Variants in KRR1 observed in about 807,000 individuals in gnomAD.
KRR1 encodes the protein KRR1 small subunit processome component, also known as KRR1 small subunit processome component homolog.
In KRR1, 23 loss-of-function variants were observed where a neutral mutation model predicts 50.0. The ratio of observed to expected loss-of-function variants is 0.46; its 90% CI spans 0.33 to 0.65. The LOEUF (loss-of-function observed/expected upper bound fraction) is 0.65. Among genes scored for constraint, KRR1 ranks in the 30% least tolerant of loss-of-function variants. The pLI is 0.02. For synonymous variants in KRR1, 133 were observed against 146.3 expected (o/e 0.91, Z 0.66); for missense variants, 419 against 442.4 (o/e 0.95, Z 0.47).
Position 75,495,738 on chromosome 12 carries a change from C to A in KRR1, c.*4071G>T. On this transcript the variant is annotated 3_prime_UTR_variant, in exon 10 of 10. Coordinates refer to ENST00000229214, the MANE Select transcript of KRR1 (RefSeq NM_007043.7). ...ACTTTCTACAGAATTAACAATGAAA[C>A]CATGTTTTATCTTAACGGCTATCTT... is the stretch of plus-strand genomic sequence containing the variant. The A allele has an allele frequency of 2.3e-6, 2 of 879,392 alleles. No homozygotes were observed. The highest frequency in any genetic ancestry group is 3.1e-5 in the South Asian group (2 of 63,580). 54.5% of individuals were successfully genotyped at this position (879,392 alleles called of 1,614,324 possible).
Position 75,499,623 on chromosome 12 carries a change from T to C in KRR1, c.*186A>G. 2.9e-6 allele frequency: 1 copy of C among 350,292 alleles called. No individual in the cohort carries two copies. Among genetic ancestry groups the C allele is most frequent in the Non-Finnish European group, 5.0e-6 (1 of 199,914 alleles). 21.7% of individuals were successfully genotyped at this position (350,292 alleles called of 1,614,324 possible). ...ATACAAAGACTTATATACCACTTTC[T>C]CGTATAAATTTTTCAAAAAATACAA... On this transcript the variant is annotated 3_prime_UTR_variant, in exon 10 of 10. Coordinates refer to ENST00000229214, the MANE Select transcript of KRR1 (RefSeq NM_007043.7).
chr12:75,503,894 T>C lies in KRR1; in HGVS notation c.831+10A>G. On this transcript the variant is annotated intron_variant, in intron 7 of 9. Coordinates refer to ENST00000229214, the MANE Select transcript of KRR1 (RefSeq NM_007043.7). ...TCTCCTTCATATGAAGTTCTACATT[T>C]AGTACTAACCTGACTTTCTGGTTGT... is the stretch of plus-strand genomic sequence containing the variant. 4.4e-6 allele frequency: 7 copies of C among 1,588,714 alleles called. No homozygotes were observed. The highest frequency in any genetic ancestry group is 6.0e-6 in the Non-Finnish European group (7 of 1,169,774).
At chr12:75,503,578 A>G (rs74108826) in intron 7 of KRR1, 1,816 of 178,180 alleles carry the variant, frequency 0.01, 31 homozygotes, top group African/African-American at 0.04. Flanking sequence ...ACCATAGAGC[A>G]CACAGTCACA....
At position 75,499,750 on chromosome 12, in the gene KRR1, C is replaced by G. The variant is rs2046377943; in HGVS notation, c.*59G>C. 2 of 1,369,924 alleles carry G rather than the reference C, an allele frequency of 1.5e-6. No homozygotes were observed. The highest frequency in any genetic ancestry group is 2.0e-6 in the Non-Finnish European group (2 of 1,020,278). The allele number at this position is 1,369,924 out of a possible 1,614,324, so 84.9% of individuals were successfully genotyped here. ...TTCTCACAAATAAGGCAACTAATGC[C>G]TGATATCTCAAAATCCTTTACAAAA... On this transcript the variant is annotated 3_prime_UTR_variant, in exon 10 of 10. Coordinates refer to ENST00000229214, the MANE Select transcript of KRR1 (RefSeq NM_007043.7).
intron 1 of KRR1, among the ~76,000 whole-genome samples, chr12:75,510,027 A>T (rs2046440009): frequency 1.3e-5 from 2 of 152,162 alleles, no homozygotes; most frequent in South Asian, 4.1e-4. Context: ...CAATTAAGGA[A>T]GCCTCAAAAC....
In KRR1 at chr12:75,495,362, A is replaced by T. The variant is rs2046344053; in HGVS notation, c.*4447T>A. On this transcript the variant is annotated 3_prime_UTR_variant, in exon 10 of 10. Coordinates refer to ENST00000229214, the MANE Select transcript of KRR1 (RefSeq NM_007043.7). ...GCTGTCACAATTAAATGGGATGCAG[A>T]TTAAAACAGGTGCATAGACACAGGT... 6.6e-6 allele frequency: 3 copies of T among 453,184 alleles called. No homozygotes were observed. Among genetic ancestry groups the T allele is most frequent in the Non-Finnish European group, 8.1e-6 (2 of 248,366 alleles). The allele number at this position is 453,184 out of a possible 1,614,324, so 28.1% of individuals were successfully genotyped here.
chr12:75,511,362 G>C, intron 1 of KRR1, 151 bp downstream of exon 1: 4 of 667,972 alleles, frequency 6.0e-6, no homozygotes, highest in South Asian at 1.9e-5. Context: ...CGTTCCTGTG[G>C]GCCCAGCCAA....
At chr12:75,510,104 T>C (rs1349431502) in intron 1 of KRR1, among the ~76,000 whole-genome samples, 4 of 152,090 alleles carry the variant, frequency 2.6e-5, no homozygotes, top group African/African-American at 7.2e-5. Flanking sequence ...CCAAATACCA[T>C]TTCATAACTA....
At chr12:75,503,703 T>C in intron 7 of KRR1, 1 of 397,582 alleles carries the variant, frequency 2.5e-6, no homozygotes, top group East Asian at 3.7e-5. Flanking sequence ...ATAATCAATG[T>C]GAACGCCCCA....
chr12:75,508,954 C>T (rs1726467307), intron 1 of KRR1, among the ~76,000 whole-genome samples: 1 of 152,092 alleles, frequency 6.6e-6, no homozygotes, highest in South Asian at 2.1e-4. Context: ...CTAGATTTTC[C>T]TAAGCATTTT....
At position 75,501,967 on chromosome 12, in the gene KRR1, A is replaced by G. The variant is rs1219756824; in HGVS notation, c.865T>C (p.Leu289=). The G allele has an allele frequency of 1.1e-5, 17 of 1,612,416 alleles. No homozygotes were observed. Among genetic ancestry groups the G allele is most frequent in the Non-Finnish European group, 1.4e-5 (17 of 1,179,098 alleles). Residue 289 remains leucine (L), a synonymous_variant, in exon 8 of 10, where the codon TTG becomes CTG. Coordinates refer to ENST00000229214, the MANE Select transcript of KRR1 (RefSeq NM_007043.7). ...TGCCGCTTCTTCTGATTTGCCTTCA[A>G]AAAGTATTCACCACTAGCCAATTCT... ...DKELASGEYF[L]KANQKKRQKM... is the part of the protein sequence containing the mutation.
chr12:75,500,794 CAG>C (rs1194797720), intron 9 of KRR1: 1 of 151,984 alleles, frequency 6.6e-6, no homozygotes, highest in Non-Finnish European at 1.5e-5. Flanking sequence ...CTGAGAAGCA[CAG>C]AGTGTTAAAG....
rs1480263188 is a variant in KRR1 at position 75,498,834 on chromosome 12, T to G, written c.*975A>C. 2.9e-5 allele frequency: 47 copies of G among 1,612,478 alleles called. No homozygotes were observed. Among genetic ancestry groups the G allele is most frequent in the African/African-American group, 4.0e-5 (3 of 74,830 alleles). ...ATGTTTGTTTCACAGGTTACTACTC[T>G]GTTGTATATCCAGGCTGGCCCATAT... is the stretch of plus-strand genomic sequence containing the variant. On this transcript the variant is annotated 3_prime_UTR_variant, in exon 10 of 10. Transcript: ENST00000229214.
At chr12:75,511,449 A>G in intron 1 of KRR1, 64 bp downstream of exon 1, 1 of 1,418,358 alleles carries the variant, frequency 7.1e-7, no homozygotes, top group Non-Finnish European at 1.0e-6. Context: ...ACGAGGAACG[A>G]AAGAAAAAAA....
Position 75,497,418 on chromosome 12 carries a change from C to T in KRR1, c.*2391G>A, listed in dbSNP as rs958087793. On this transcript the variant is annotated 3_prime_UTR_variant, in exon 10 of 10. Transcript: ENST00000229214. ...ACTTGTATTTATAAGATGTGAAACTCATTACCCATTTACTTCAGATAAGTG... is the reference window on the plus strand; with the variant it reads ...ACTTGTATTTATAAGATGTGAAACTTATTACCCATTTACTTCAGATAAGTG... 1 of 152,182 alleles carries T rather than the reference C, an allele frequency of 6.6e-6. No homozygotes were observed. Among genetic ancestry groups the T allele is most frequent in the African/African-American group, 2.4e-5 (1 of 41,456 alleles). 9.4% of individuals were successfully genotyped at this position (152,182 alleles called of 1,614,324 possible). A position where few individuals can be genotyped will look rare whatever the true frequency, so the allele number is the denominator to read the frequency against.
rs767374508 is a variant in KRR1, at chr12:75,504,048, T to C, written c.687A>G (p.Ala229=). 2 of 1,611,738 alleles carry C rather than the reference T, an allele frequency of 1.2e-6. No homozygotes were observed. Among genetic ancestry groups the C allele is most frequent in the Non-Finnish European group, 1.7e-6 (2 of 1,178,532 alleles). The change falls in exon 7 of 10, where the codon GCA becomes GCG. Residue 229 remains alanine (A), a synonymous_variant. Transcript: ENST00000229214. Reference sequence around the variant, plus strand: ...TTTGTGATCGTAATTCAGAATCTTTTGCCAACTCTCTCTTAATCATTAAGC... The same window carrying C: ...TTTGTGATCGTAATTCAGAATCTTTCGCCAACTCTCTCTTAATCATTAAGC... ...IKSLMIKREL[A]KDSELRSQSW... is the part of the protein sequence containing the mutation.
intron 6 of KRR1, 45 bp downstream of exon 6, chr12:75,505,150 AAAG>A (rs753875689): frequency 1.0e-5 from 15 of 1,466,466 alleles, no homozygotes; most frequent in South Asian, 2.5e-5. Context: ...TCTGTAGCTA[AAAG>A]AAGTATGATA....
intron 1 of KRR1, among the ~76,000 whole-genome samples, chr12:75,510,094 C>T (rs1293984671): frequency 6.6e-6 from 1 of 152,052 alleles, no homozygotes; most frequent in African/African-American, 2.4e-5. Context: ...AAAACTGCAA[C>T]CAAATACCAT....
At position 75,493,934 on chromosome 12, in the gene KRR1, A is replaced by G. The variant is rs1391815005; in HGVS notation, c.*5875T>C. 6.6e-6 allele frequency: 1 copy of G among 152,256 alleles called. No individual in the cohort carries two copies. The highest frequency in any genetic ancestry group is 2.4e-5 in the African/African-American group (1 of 41,450). The allele number at this position is 152,256 out of a possible 1,614,324, so 9.4% of individuals were successfully genotyped here. A position where few individuals can be genotyped will look rare whatever the true frequency, so the allele number is the denominator to read the frequency against. Reference sequence around the variant, plus strand: ...AGTTTGGAATGCACAACTAAGTATCATAAATGACTTTATTAAAATCATTCT... The same window carrying G: ...AGTTTGGAATGCACAACTAAGTATCGTAAATGACTTTATTAAAATCATTCT... On this transcript the variant is annotated 3_prime_UTR_variant, in exon 10 of 10. Transcript: ENST00000229214.
Sources: allele counts gnomAD v4.1 joint callset (sites outside exome capture counted in the v4.1 genomes callset), GRCh38; gene constraint gnomAD v4.1.1; transcripts MANE v1.5; gene names NCBI Gene and HGNC (gene_info 2026-07-23, HGNC 2026-07-21).